The following CREBBP variants were observed in gnomAD, a reference collection of about 807,000 sequenced individuals.
The protein encoded by CREBBP is CREB binding lysine acetyltransferase.
Under a neutral mutation model 265.0 loss-of-function variants are expected in CREBBP, and 19 were observed. The ratio of observed to expected loss-of-function variants is 0.07; its 90% CI spans 0.05 to 0.11. The LOEUF (loss-of-function observed/expected upper bound fraction) is 0.11. Among genes scored for constraint, CREBBP ranks in the 10% least tolerant of loss-of-function variants. CREBBP has a pLI of 1.00. For missense variants in CREBBP, 2,525 were observed against 3,219.0 expected (o/e 0.78, Z 5.22); for synonymous variants, 1,457 against 1,223.7 (o/e 1.19, Z -3.98).
intron 20 of CREBBP, among the ~76,000 whole-genome samples, chr16:3,751,503 G>T (rs1276894589): frequency 6.6e-6 from 1 of 152,096 alleles, no homozygotes; most frequent in South Asian, 2.1e-4. Context: ...GAGAAAGGAG[G>T]ATCGCTTGAA....
At position 3,777,990 on chromosome 16, in the gene CREBBP, A is replaced by G. The variant is rs2053185204; in HGVS notation, c.2113+21T>C. On this transcript the variant is annotated intron_variant, in intron 10 of 30. Transcript: ENST00000262367. ...CCAAGGAAACAGGCTAAGGGATGGC[A>G]GTAGGAAATAAAATCCTTACTTGGA... 3.1e-6 allele frequency: 5 copies of G among 1,613,308 alleles called. No individual in the cohort carries two copies. The Admixed American group carries it at 8.3e-5, about 27-fold the overall frequency.
In CREBBP at chr16:3,767,725, T is replaced by C; in HGVS notation, c.3245A>G (p.Lys1082Arg). The change falls in exon 16 of 31, where the codon AAA (lysine) becomes AGA (arginine). Residue 1082 changes from lysine (K) to arginine (R), a missense_variant. By Grantham distance (26) the Lys-to-Arg change is conservative. Transcript: ENST00000262367. ...SQSTSPSQPRKKIFKPEELRQ... is the reference protein window; with the variant it reads ...SQSTSPSQPRRKIFKPEELRQ... Reference sequence around the variant, plus strand: ...GTAATGAATAAATGGCCTACTTTTTTTGCGCGGCTGCGAAGGAGATGTTGA... The same window carrying C: ...GTAATGAATAAATGGCCTACTTTTTCTGCGCGGCTGCGAAGGAGATGTTGA... The C allele has an allele frequency of 6.2e-7, 1 of 1,614,282 alleles. No individual in the cohort carries two copies. Among genetic ancestry groups the C allele is most frequent in the Non-Finnish European group, 8.5e-7 (1 of 1,180,050 alleles).
intron 16 of CREBBP, among the ~76,000 whole-genome samples, chr16:3,763,956 T>C (rs2052785437): frequency 6.6e-6 from 1 of 151,458 alleles, no homozygotes; most frequent in Non-Finnish European, 1.5e-5. Context: ...GTGATTCTCC[T>C]GCCTCAGCCT....
At chr16:3,858,190 T>G (rs1349721982) in intron 1 of CREBBP, among the ~76,000 whole-genome samples, 2 of 152,214 alleles carry the variant, frequency 1.3e-5, no homozygotes, top group East Asian at 3.9e-4. Flanking sequence ...AGGAATGAAC[T>G]ACTAGAATCA....
chr16:3,745,181 T>A, intron 22 of CREBBP, 96 bp downstream of exon 22: 1 of 1,179,160 alleles, frequency 8.5e-7, no homozygotes. Context: ...CGCTGAATTC[T>A]TGCTGACAAC....
intron 16 of CREBBP, among the ~76,000 whole-genome samples, chr16:3,765,635 T>C (rs2052832955): frequency 6.6e-6 from 1 of 152,194 alleles, no homozygotes; most frequent in Non-Finnish European, 1.5e-5. Context: ...GCTTCACAGC[T>C]TCTCAAAATT....
Position 3,879,908 on chromosome 16 carries a change from C to A in CREBBP, c.9G>T (p.Glu3Asp). 1 of 1,612,442 alleles carries A rather than the reference C, an allele frequency of 6.2e-7. No homozygotes were observed. The highest frequency in any genetic ancestry group is 8.5e-7 in the Non-Finnish European group (1 of 1,179,262). Reference protein sequence around the residue: MAENLLDGPPNPK... With the variant: MADNLLDGPPNPK... Reference sequence around the variant, plus strand: ...GGTTGGGCGGTCCGTCCAGCAAGTTCTCAGCCATTTTCACCTGCTCGCGAA... The same window carrying A: ...GGTTGGGCGGTCCGTCCAGCAAGTTATCAGCCATTTTCACCTGCTCGCGAA... The change falls in exon 1 of 31, where the codon GAG becomes GAT. Residue 3 changes from glutamate (E) to aspartate (D), a missense_variant. This residue lies in a region of CREBBP where 356 missense variants were observed against 340.4 expected (regional missense o/e 1.05). Transcript: ENST00000262367.
chr16:3,839,749 G>A (rs1351138541), intron 2 of CREBBP, among the ~76,000 whole-genome samples: 2 of 144,780 alleles, frequency 1.4e-5, no homozygotes, highest in Non-Finnish European at 3.0e-5. Context: ...GGGAGGGAAG[G>A]AAAGGAAGGG....
chr16:3,794,263 C>T (rs1252804751), intron 3 of CREBBP, among the ~76,000 whole-genome samples: 4 of 125,302 alleles, frequency 3.2e-5, no homozygotes, highest in African/African-American at 8.8e-5. Context: ...ACCCGGGAGG[C>T]GGAGCTTGCA....
In CREBBP at chr16:3,781,240, G is replaced by A. The variant is rs757074419; in HGVS notation, c.1640C>T (p.Ser547Leu). Residue 547 changes from serine to leucine, a missense_variant, in exon 7 of 31, where the codon TCA (serine) becomes TTA (leucine). Ser to Leu is a moderately radical substitution (Grantham distance 145). Transcript: ENST00000262367. ...CAGGGAAGTCGGAAGAGCTGATTCTGAAATCAAGTTTGGGGGCTGCTGATC... is the reference window on the plus strand; with the variant it reads ...CAGGGAAGTCGGAAGAGCTGATTCTAAAATCAAGTTTGGGGGCTGCTGATC... ...TTDQQPPNLI[S>L]ESALPTSLGA... 1.2e-6 allele frequency: 2 copies of A among 1,614,028 alleles called. No homozygotes were observed. Among genetic ancestry groups the A allele is most frequent in the Non-Finnish European group, 8.5e-7 (1 of 1,179,944 alleles).
chr16:3,850,462 T>A lies in CREBBP; in HGVS notation c.633A>T (p.Gly211=). 1 of 1,614,200 alleles carries A rather than the reference T, an allele frequency of 6.2e-7. No homozygotes were observed. The highest frequency in any genetic ancestry group is 1.3e-5 in the African/African-American group (1 of 75,048). ...ASQGQAQVMN[G]SLGAAGRGRG... ...TTCCTCTGCCAGCAGCCCCAAGAGA[T>A]CCATTCATGACTTGCGCCTGCCCTT... Residue 211 remains glycine (G), a synonymous_variant, in exon 2 of 31, where the codon GGA becomes GGT. Coordinates refer to ENST00000262367, the MANE Select transcript of CREBBP (RefSeq NM_004380.3).
rs2151315438 is a variant in CREBBP at position 3,731,133 on chromosome 16, C to G, written c.5172+59G>C. 2 of 1,571,618 alleles carry G rather than the reference C, an allele frequency of 1.3e-6. No individual in the cohort carries two copies. Among genetic ancestry groups the G allele is most frequent in the Non-Finnish European group, 1.7e-6 (2 of 1,154,904 alleles). ...CAACCCGGGCACCCATGCAAAGGGA[C>G]AGGATGCTTCGTCAGACCCCAGGCC... On this transcript the variant is annotated intron_variant, in intron 30 of 30. Coordinates refer to ENST00000262367, the MANE Select transcript of CREBBP (RefSeq NM_004380.3). The surrounding 1 kb of genome is among the most constrained non-coding windows in gnomAD (Gnocchi z 7.7).
Position 3,729,193 on chromosome 16 carries a change from G to A in CREBBP, c.5854C>T (p.Pro1952Ser). The A allele has an allele frequency of 2.0e-6, 3 of 1,533,986 alleles. No homozygotes were observed. The highest frequency in any genetic ancestry group is 2.6e-6 in the Non-Finnish European group (3 of 1,145,902). Residue 1952 changes from proline (P) to serine (S), a missense_variant, in exon 31 of 31, where the codon CCT (proline) becomes TCT (serine). By Grantham distance (74) the Pro-to-Ser change is moderately conservative. Transcript: ENST00000262367. ...VPAPPPPAQP[P>S]PAAVEAARQI... is the part of the protein sequence containing the mutation. The stretch of plus-strand genomic sequence containing the variant: ...CGAGCCGCTTCCACCGCTGCAGGAG[G>A]GGGCTGGGCCGGGGGTGGGGGGGCC...
At chr16:3,808,842 G>A (rs2053881786) in intron 3 of CREBBP, among the ~76,000 whole-genome samples, 3 of 152,322 alleles carry the variant, frequency 2.0e-5, no homozygotes, top group South Asian at 4.1e-4. Context: ...ATCGATGACA[G>A]CTAACCCCAG....
chr16:3,836,509 A>G (rs576683638), intron 2 of CREBBP, among the ~76,000 whole-genome samples: 1 of 152,040 alleles, frequency 6.6e-6, no homozygotes, highest in Non-Finnish European at 1.5e-5. Context: ...GGGACAGAAA[A>G]AGGGAGGCAT....
rs755591559 is a variant in CREBBP, at chr16:3,729,357, G to A, written c.5690C>T (p.Pro1897Leu). Residue 1897 changes from proline to leucine, a missense_variant, in exon 31 of 31, where the codon CCC becomes CTC. By Grantham distance (98) the Pro-to-Leu change is moderately conservative. This residue lies in a region of CREBBP where 275 missense variants were observed against 276.5 expected (regional missense o/e 0.99). Coordinates refer to ENST00000262367, the MANE Select transcript of CREBBP (RefSeq NM_004380.3). ...GGGCTGCGGCGTCTGGGGTGTGCTG[G>A]GCTGCTGTGTGGGGGTCCCGGGCGG... Reference protein sequence around the residue: ...SAPPGTPTQQPSTPQTPQPPA... With the variant: ...SAPPGTPTQQLSTPQTPQPPA... 1.2e-6 allele frequency: 2 copies of A among 1,604,690 alleles called. No homozygotes were observed. Among genetic ancestry groups the A allele is most frequent in the Non-Finnish European group, 1.7e-6 (2 of 1,178,328 alleles).
chr16:3,777,498 G>T, intron 11 of CREBBP, 115 bp downstream of exon 11: 1 of 1,108,960 alleles, frequency 9.0e-7, no homozygotes, highest in Non-Finnish European at 1.4e-6. Flanking sequence ...CAGCAAAAAG[G>T]AATGGAAAGA....
chr16:3,728,262 C>T lies in CREBBP; in HGVS notation c.6785G>A (p.Gly2262Asp), dbSNP rs2151301491. 1.9e-6 allele frequency: 3 copies of T among 1,612,476 alleles called. No homozygotes were observed. The highest frequency in any genetic ancestry group is 2.5e-6 in the Non-Finnish European group (3 of 1,179,676). The change falls in exon 31 of 31, where the codon GGC becomes GAC. Residue 2262 changes from glycine to aspartate, a missense_variant. Gly to Asp is a moderately conservative substitution (Grantham distance 94). Transcript: ENST00000262367. This position sits in a 1 kb window ranked among gnomAD's most constrained non-coding sequence, Gnocchi z 8.7. The stretch of plus-strand genomic sequence containing the variant: ...CTGTCCCATCTGAGCCGCCATCTGG[C>T]CCATGGAGCTGCCCTGGAGGGGGAG... ...QHLPLQGSSM[G>D]QMAAQMGQLG...
chr16:3,860,102 C>T (rs1467546255), intron 1 of CREBBP, among the ~76,000 whole-genome samples: 1 of 152,018 alleles, frequency 6.6e-6, no homozygotes, highest in Non-Finnish European at 1.5e-5. Flanking sequence ...GCTGCAGCAC[C>T]GAGTGCCTAC....
Sources: gnomAD v4.1 joint callset for allele counts (sites outside exome capture counted in the v4.1 genomes callset) on GRCh38, gnomAD v4.1.1 for gene constraint, gnomAD v4.1.1 regional missense constraint, Gnocchi (gnomAD v3.1) non-coding constraint, MANE v1.5 for transcripts, NCBI Gene and HGNC (gene_info 2026-07-23, HGNC 2026-07-21) for gene names.